Variants in CA10 observed in about 807,000 individuals in gnomAD.
CA10 encodes the protein carbonic anhydrase 10 (inactive).
Under a neutral mutation model 44.2 loss-of-function variants are expected in CA10, and 14 were observed. That is an observed-to-expected ratio of 0.32 (90% CI 0.21 to 0.50). The LOEUF (loss-of-function observed/expected upper bound fraction) is 0.50, where lower values mean the gene tolerates loss of function less well. Among genes scored for constraint, CA10 ranks in the 20% least tolerant of loss-of-function variants. The probability of loss-of-function intolerance (pLI) is 0.99; values close to 1 mark genes in which losing one functional copy is unlikely to be tolerated. For synonymous variants in CA10, 159 were observed against 141.6 expected, an observed-to-expected ratio of 1.12 and a Z score of -0.87; for missense variants, 350 against 409.7, an observed-to-expected ratio of 0.85 and a Z score of 1.26.
At chr17:51,657,731 A>T (rs1913846569) in intron 4 of CA10, among the ~76,000 whole-genome samples, 1 of 152,238 alleles carries the variant, frequency 6.6e-6, no homozygotes, top group African/African-American at 2.4e-5. Flanking sequence ...TTTAAGGCTT[A>T]TGCAGAGTAA....
intron 1 of CA10, among the ~76,000 whole-genome samples, chr17:52,073,728 C>T (rs1429382837): frequency 2.0e-5 from 3 of 152,142 alleles, no homozygotes; most frequent in Non-Finnish European, 4.4e-5. Flanking sequence ...TTCCATAGCC[C>T]TTGAGGAAGA....
At chr17:51,723,934 T>C (rs1429583249) in intron 4 of CA10, among the ~76,000 whole-genome samples, 3 of 152,176 alleles carry the variant, frequency 2.0e-5, no homozygotes. Flanking sequence ...GGCATTGCCC[T>C]GGGCACCTGC....
At chr17:52,012,362 G>T (rs1362107009) in intron 2 of CA10, among the ~76,000 whole-genome samples, 2 of 151,940 alleles carry the variant, frequency 1.3e-5, no homozygotes, top group African/African-American at 4.8e-5. Context: ...AATGAATATG[G>T]ATCTGTGAGA....
intron 3 of CA10, among the ~76,000 whole-genome samples, chr17:51,907,740 G>A (rs1981619618): frequency 1.3e-5 from 2 of 152,278 alleles, no homozygotes; most frequent in South Asian, 2.1e-4. Context: ...GGTCATCCCA[G>A]TTTCAGAGCT....
rs554448056 is a variant in CA10 at position 51,802,136 on chromosome 17, C to T, written c.280-54318G>A. Reference sequence around the variant, plus strand: ...ACTTCAGGTGGAAAGCCAACTATTACTGATCATGCCTATCTATGGATTTAG... The same window carrying T: ...ACTTCAGGTGGAAAGCCAACTATTATTGATCATGCCTATCTATGGATTTAG... On this transcript the variant is annotated intron_variant, in intron 3 of 8. Coordinates refer to ENST00000451037, the MANE Select transcript of CA10 (RefSeq NM_020178.5). 3.2e-3 allele frequency among the ~76,000 whole-genome samples: 482 copies of T among 152,316 alleles called. 1 individual carries two copies. The highest frequency in any genetic ancestry group is 5.5e-3 in the Non-Finnish European group (374 of 68,034).
intron 3 of CA10, among the ~76,000 whole-genome samples, chr17:51,919,379 C>A (rs188515149): frequency 6.6e-6 from 1 of 152,024 alleles, no homozygotes; most frequent in Non-Finnish European, 1.5e-5. Context: ...GCATCAAAAG[C>A]TTATCTTGGG....
chr17:52,108,195 T>TATATATATATAC (rs1491106540), intron 1 of CA10, among the ~76,000 whole-genome samples: 1 of 16,956 alleles, frequency 5.9e-5, no homozygotes, highest in Non-Finnish European at 7.9e-5. Context: ...ATATATTTTT[T>TATATATATATAC]ATATATATAT....
intron 3 of CA10, among the ~76,000 whole-genome samples, chr17:51,818,841 T>TAC (rs1397718735): frequency 6.6e-6 from 1 of 152,202 alleles, no homozygotes; most frequent in Non-Finnish European, 1.5e-5. Context: ...TAATAGCCCT[T>TAC]ACCTCACGGG....
intron 3 of CA10, among the ~76,000 whole-genome samples, chr17:51,861,573 G>A (rs1285998855): frequency 6.7e-6 from 1 of 150,370 alleles, no homozygotes; most frequent in Admixed American, 6.6e-5. Flanking sequence ...GATGATTTGG[G>A]TCAACTTTCT....
chr17:51,650,922 A>AT (rs748780148), intron 5 of CA10, among the ~76,000 whole-genome samples: 33 of 152,232 alleles, frequency 2.2e-4, no homozygotes, highest in Non-Finnish European at 3.8e-4. Context: ...TGTACTTGGT[A>AT]TAAGTGAGCT....
intron 2 of CA10, among the ~76,000 whole-genome samples, chr17:52,039,858 A>C (rs530891732): frequency 3.9e-4 from 59 of 152,232 alleles, no homozygotes; most frequent in African/African-American, 1.3e-3. Context: ...TTTAAGAGAG[A>C]CCTCATAATG....
At chr17:51,786,632 T>C (rs1473837101) in intron 3 of CA10, among the ~76,000 whole-genome samples, 2 of 152,070 alleles carry the variant, frequency 1.3e-5, no homozygotes, top group African/African-American at 4.8e-5. Flanking sequence ...GGATGCCCTT[T>C]ATATCTTTCT....
chr17:52,066,628 T>G (rs1213819617), intron 2 of CA10, among the ~76,000 whole-genome samples: 1 of 152,244 alleles, frequency 6.6e-6, no homozygotes, highest in East Asian at 1.9e-4. Context: ...ACCTTCTCAG[T>G]CATGTGGAAC....
chr17:52,072,695 A>ACACACACACG (rs1446597047), intron 1 of CA10, among the ~76,000 whole-genome samples: 2 of 151,198 alleles, frequency 1.3e-5, no homozygotes, highest in African/African-American at 2.4e-5. Flanking sequence ...ACACACACAC[A>ACACACACACG]CACACACACA....
intron 2 of CA10, among the ~76,000 whole-genome samples, chr17:51,962,617 A>T (rs1983934142): frequency 6.6e-6 from 1 of 152,190 alleles, no homozygotes; most frequent in Non-Finnish European, 1.5e-5. Flanking sequence ...ACTCAATATA[A>T]ATTTACCAAG....
At chr17:52,106,399 G>A (rs1988663480) in intron 1 of CA10, among the ~76,000 whole-genome samples, 2 of 152,184 alleles carry the variant, frequency 1.3e-5, no homozygotes, top group South Asian at 4.1e-4. Flanking sequence ...AATTGAATAG[G>A]GAGGAAAAGG....
At chr17:52,125,756 T>C (rs1989105427) in intron 1 of CA10, among the ~76,000 whole-genome samples, 1 of 152,188 alleles carries the variant, frequency 6.6e-6, no homozygotes, top group Admixed American at 6.5e-5. Context: ...ATTTTCCTTA[T>C]TGTAGATTCA....
intron 3 of CA10, among the ~76,000 whole-genome samples, chr17:51,874,644 C>T (rs1979971533): frequency 6.6e-6 from 1 of 152,118 alleles, no homozygotes; most frequent in Admixed American, 6.5e-5. Context: ...GTACTGAAAA[C>T]ATTGATACTC....
chr17:51,681,676 T>C lies in CA10; in HGVS notation c.466-27940A>G, dbSNP rs376040757. On this transcript the variant is annotated intron_variant, in intron 4 of 8. Coordinates refer to ENST00000451037, the MANE Select transcript of CA10 (RefSeq NM_020178.5). Reference sequence around the variant, plus strand: ...TTTAAGGTAAGAGAAAAATAAGTCGTGGCTGTTTATCTTTTTATACAAATG... The same window carrying C: ...TTTAAGGTAAGAGAAAAATAAGTCGCGGCTGTTTATCTTTTTATACAAATG... Among the ~76,000 whole-genome samples, 23 of 152,326 alleles carry C rather than the reference T, an allele frequency of 1.5e-4. 1 individual carries two copies. The East Asian group carries it at 1.9e-3, about 13-fold the overall frequency.
Sources: gnomAD v4.1 joint callset for allele counts (sites outside exome capture counted in the v4.1 genomes callset) on GRCh38, gnomAD v4.1.1 for gene constraint, MANE v1.5 for transcripts, NCBI Gene and HGNC (gene_info 2026-07-23, HGNC 2026-07-21) for gene names.